Variants in GALNT13 observed in about 807,000 individuals in gnomAD.
GALNT13 encodes the protein polypeptide N-acetylgalactosaminyltransferase 13, also known as UDP-GalNAc:polypeptide N-acetylgalactosaminyltransferase 13.
A neutral mutation model predicts 64.2 loss-of-function variants in GALNT13; 28 were observed. The observed-to-expected ratio is 0.44, with a 90% CI of 0.32 to 0.60. GALNT13 has a LOEUF of 0.60. Among genes scored for constraint, GALNT13 ranks in the 20% least tolerant of loss-of-function variants. GALNT13 has a pLI of 0.05. For missense variants in GALNT13, 577 were observed against 669.8 expected, an observed-to-expected ratio of 0.86 and a Z score of 1.53; for synonymous variants, 214 against 224.6, an observed-to-expected ratio of 0.95 and a Z score of 0.42.
the GALNT13 span, among the ~76,000 whole-genome samples, chr2:153,251,621 TC>T: frequency 3.0e-5 from 2 of 65,688 alleles, no homozygotes; most frequent in Non-Finnish European, 5.5e-5. Context: ...CCCTCCCCCC[TC>T]CCCCCACCCC....
intron 3 of GALNT13, among the ~76,000 whole-genome samples, chr2:153,950,407 A>G (rs559069784): frequency 6.6e-6 from 1 of 152,234 alleles, no homozygotes. Context: ...TCAAGGCTAC[A>G]GTGATATATC....
chr2:153,245,964 T>C, the GALNT13 span, among the ~76,000 whole-genome samples: 63 of 152,180 alleles, frequency 4.1e-4, no homozygotes, highest in Middle Eastern at 3.4e-3. Flanking sequence ...AATGACCTGA[T>C]GGAGCTGAAA....
the GALNT13 span, among the ~76,000 whole-genome samples, chr2:153,800,047 TCTCTCTCTC>T: frequency 6.6e-4 from 15 of 22,826 alleles, no homozygotes; most frequent in African/African-American, 2.6e-3. Flanking sequence ...TTTAGTTTGC[TCTCTCTCTC>T]TCTCTCTCTC....
chr2:153,244,869 A>G, the GALNT13 span, among the ~76,000 whole-genome samples: 247 of 152,342 alleles, frequency 1.6e-3, 6 homozygotes, highest in East Asian at 0.042. Context: ...CAGCAAGCTA[A>G]GAACCACTGG....
At chr2:153,586,520 C>T in the GALNT13 span, among the ~76,000 whole-genome samples, 1 of 152,110 alleles carries the variant, frequency 6.6e-6, no homozygotes, top group African/African-American at 2.4e-5. Context: ...AACACTAGAG[C>T]ACACAGATTT....
At chr2:154,043,143 C>G (rs1300635325) in intron 3 of GALNT13, among the ~76,000 whole-genome samples, 1 of 151,802 alleles carries the variant, frequency 6.6e-6, no homozygotes, top group Non-Finnish European at 1.5e-5. Flanking sequence ...TGAAAGAAAA[C>G]CAGTATGGAT....
At chr2:153,139,629 C>T in the GALNT13 span, among the ~76,000 whole-genome samples, 1 of 151,946 alleles carries the variant, frequency 6.6e-6, no homozygotes, top group Admixed American at 6.6e-5. Flanking sequence ...CAGAGGACAA[C>T]AAAAGCAAAG....
intron 3 of GALNT13, among the ~76,000 whole-genome samples, chr2:154,119,957 T>C (rs985753083): frequency 1.3e-5 from 2 of 152,358 alleles, no homozygotes; most frequent in South Asian, 4.1e-4. Context: ...TATTGTAGCT[T>C]TATTGTACAT....
intron 4 of GALNT13, among the ~76,000 whole-genome samples, chr2:154,164,537 G>A (rs549073585): frequency 6.1e-4 from 93 of 152,128 alleles, no homozygotes; most frequent in Non-Finnish European, 1.1e-3. Flanking sequence ...TCTAAACTTG[G>A]TATCCAGAGA....
the GALNT13 span, among the ~76,000 whole-genome samples, chr2:153,140,933 G>T: frequency 1.3e-5 from 2 of 151,902 alleles, no homozygotes; most frequent in Non-Finnish European, 2.9e-5. Flanking sequence ...TATTTTTACA[G>T]AGTTGTGCAA....
At chr2:153,135,650 A>G in the GALNT13 span, among the ~76,000 whole-genome samples, 1 of 151,992 alleles carries the variant, frequency 6.6e-6, no homozygotes, top group African/African-American at 2.4e-5. Context: ...AGGTAATTTT[A>G]TGTGTGTGTG....
the GALNT13 span, among the ~76,000 whole-genome samples, chr2:153,247,307 T>A: frequency 4.6e-5 from 7 of 152,290 alleles, no homozygotes; most frequent in Non-Finnish European, 1.0e-4. Flanking sequence ...CCTACAGAAT[T>A]CTCCACCCCA....
rs184094330 is a variant in GALNT13, at chr2:154,333,263, G to A, written c.1156+31674G>A. Among the ~76,000 whole-genome samples the A allele has an allele frequency of 3.9e-3, 586 of 151,936 alleles. 5 individuals are homozygous for A. The highest frequency in any genetic ancestry group is 0.013 in the African/African-American group (526 of 41,468). ...TGATATTGGAGTTATAGTTGTATTC[G>A]AAACTATATATAAATGTATACATAT... On this transcript the variant is annotated intron_variant, in intron 9 of 12. Transcript: ENST00000392825.
chr2:153,279,337 A>G, the GALNT13 span, among the ~76,000 whole-genome samples: 1 of 152,054 alleles, frequency 6.6e-6, no homozygotes. Flanking sequence ...TTCTATTTGG[A>G]TTCCTTTTAT....
chr2:153,140,279 G>A, the GALNT13 span, among the ~76,000 whole-genome samples: 1 of 152,088 alleles, frequency 6.6e-6, no homozygotes, highest in African/African-American at 2.4e-5. Flanking sequence ...ACGAGAACCC[G>A]ATAAGTTAAC....
chr2:153,153,875 A>T, the GALNT13 span, among the ~76,000 whole-genome samples: 1 of 151,852 alleles, frequency 6.6e-6, no homozygotes, highest in Non-Finnish European at 1.5e-5. Context: ...TATCTTGGTT[A>T]TTCTGGCTTT....
At chr2:153,322,665 C>T in the GALNT13 span, among the ~76,000 whole-genome samples, 1 of 152,102 alleles carries the variant, frequency 6.6e-6, no homozygotes, top group Non-Finnish European at 1.5e-5. Context: ...TCCCCACCCA[C>T]TGACAGGCCC....
the GALNT13 span, among the ~76,000 whole-genome samples, chr2:153,517,807 A>G: frequency 6.6e-6 from 1 of 152,176 alleles, no homozygotes; most frequent in Non-Finnish European, 1.5e-5. Flanking sequence ...AAGTTTGAAG[A>G]GAAAGAGGAT....
At chr2:153,635,426 A>G in the GALNT13 span, among the ~76,000 whole-genome samples, 16 of 143,942 alleles carry the variant, frequency 1.1e-4, no homozygotes, top group South Asian at 4.3e-4. Flanking sequence ...ACACATATAT[A>G]TGTATATATA....
Sources: gnomAD v4.1 joint callset for allele counts (sites outside exome capture counted in the v4.1 genomes callset) on GRCh38, gnomAD v4.1.1 for gene constraint, MANE v1.5 for transcripts, NCBI Gene and HGNC (gene_info 2026-07-23, HGNC 2026-07-21) for gene names.